The following CACNA1D variants were observed in gnomAD, a reference collection of about 807,000 sequenced individuals.
The protein encoded by CACNA1D is calcium voltage-gated channel subunit alpha1 D, also known as voltage-dependent L-type calcium channel subunit alpha-1D.
A neutral mutation model predicts 257.1 loss-of-function variants in CACNA1D; 55 were observed. The observed-to-expected ratio is 0.21, with a 90% confidence interval of 0.17 to 0.27. The LOEUF is 0.27. Among genes scored for constraint, CACNA1D ranks in the 10% least tolerant of loss-of-function variants. The pLI is 1.00. For synonymous variants in CACNA1D, 980 were observed against 1,014.9 expected (o/e 0.97, Z 0.65); for missense variants, 1,876 against 2,784.0 (o/e 0.67, Z 7.34).
intron 18 of CACNA1D, among the ~76,000 whole-genome samples, chr3:53,732,378 T>A (rs1460315468): frequency 1.3e-5 from 2 of 152,172 alleles, no homozygotes; most frequent in Non-Finnish European, 2.9e-5. Flanking sequence ...ACTTTTATAT[T>A]TGACTGGCAC....
chr3:53,510,239 C>T (rs1455945468), intron 3 of CACNA1D, among the ~76,000 whole-genome samples: 1 of 152,150 alleles, frequency 6.6e-6, no homozygotes, highest in African/African-American at 2.4e-5. Flanking sequence ...TTTTTCACAG[C>T]GTGTGTGTAC....
rs1004362019 is a variant in CACNA1D, at chr3:53,497,437, C to G, written c.353C>G (p.Ala118Gly). The change falls in exon 2 of 48, where the codon GCC becomes GGC. Residue 118 changes from alanine to glycine, a missense_variant. Coordinates refer to ENST00000350061, the MANE Select transcript of CACNA1D (RefSeq NM_001128840.3). ...TCACTCAATAACCCCATCCGAAGAGCCTGCATTAGTATAGTGGAATGGAAG... is the reference window on the plus strand; with the variant it reads ...TCACTCAATAACCCCATCCGAAGAGGCTGCATTAGTATAGTGGAATGGAAG... ...CLSLNNPIRR[A>G]CISIVEWKPF... 8 of 1,614,052 alleles carry G rather than the reference C, an allele frequency of 5.0e-6. No homozygotes were observed. The African/African-American group carries it at 6.7e-5, about 13-fold the overall frequency.
In CACNA1D at chr3:53,799,573, C is replaced by T. The variant is rs534584239; in HGVS notation, c.4924-676C>T. Among the ~76,000 whole-genome samples the T allele has an allele frequency of 1.1e-4, 16 of 152,296 alleles. No individual in the cohort carries two copies. The East Asian group carries it at 1.2e-3, about 11-fold the overall frequency. ...TCAGTTTGTTGTGATCTTCAAAAAG[C>T]GGACCCCCTGTTGGTGAGTTCTCAG... On this transcript the variant is annotated intron_variant, in intron 40 of 47. Transcript: ENST00000350061.
At chr3:53,655,217 T>C (rs2094136871) in intron 4 of CACNA1D, among the ~76,000 whole-genome samples, 1 of 152,222 alleles carries the variant, frequency 6.6e-6, no homozygotes, top group African/African-American at 2.4e-5. Context: ...CCAATCTGTA[T>C]TGATGGGCAT....
chr3:53,590,441 G>A (rs2093287006), intron 3 of CACNA1D, among the ~76,000 whole-genome samples: 1 of 152,246 alleles, frequency 6.6e-6, no homozygotes, highest in Admixed American at 6.5e-5. Flanking sequence ...GTTGTATAGG[G>A]CAGACCTAGT....
At chr3:53,625,499 A>G (rs765044267) in intron 3 of CACNA1D, among the ~76,000 whole-genome samples, 1 of 152,152 alleles carries the variant, frequency 6.6e-6, no homozygotes, top group Non-Finnish European at 1.5e-5. Context: ...TTTAGGACCC[A>G]AGCGGTGCTG....
intron 39 of CACNA1D, chr3:53,785,605 C>T (rs1296171992): frequency 6.6e-6 from 1 of 152,234 alleles, no homozygotes; most frequent in Non-Finnish European, 1.5e-5. Flanking sequence ...CCACCGTCAG[C>T]ACATTTTAAA....
At chr3:53,632,680 C>A (rs1199545578) in intron 3 of CACNA1D, among the ~76,000 whole-genome samples, 2 of 152,130 alleles carry the variant, frequency 1.3e-5, no homozygotes, top group Non-Finnish European at 2.9e-5. Context: ...TACTGAGAGG[C>A]TGTTGTAGGG....
intron 3 of CACNA1D, among the ~76,000 whole-genome samples, chr3:53,507,262 G>A (rs1429422474): frequency 6.6e-6 from 1 of 151,988 alleles, no homozygotes; most frequent in African/African-American, 2.4e-5. Context: ...TTTTGACAAA[G>A]GCTTTACTTG....
Position 53,722,324 on chromosome 3 carries a change from C to T in CACNA1D, c.1516C>T (p.Arg506Cys), listed in dbSNP as rs909946083. Residue 506 changes from arginine to cysteine, a missense_variant, in exon 12 of 48, where the codon CGT (arginine) becomes TGT (cysteine). By Grantham distance (180) the Arg-to-Cys change is radical. Coordinates refer to ENST00000350061, the MANE Select transcript of CACNA1D (RefSeq NM_001128840.3). ...TTGCTTGTCTTTTAGCCGACGCTGG[C>T]GTCGCTGGAACCGATTCAATCGCAG... ...ISKSKLSRRW[R>C]RWNRFNRRRC... 9 of 1,614,068 alleles carry T rather than the reference C, an allele frequency of 5.6e-6. No individual in the cohort carries two copies. The highest frequency in any genetic ancestry group is 2.2e-5 in the South Asian group (2 of 91,078).
intron 3 of CACNA1D, among the ~76,000 whole-genome samples, chr3:53,644,747 T>C (rs1231365802): frequency 6.6e-6 from 1 of 152,260 alleles, no homozygotes; most frequent in Non-Finnish European, 1.5e-5. Flanking sequence ...TAATTCCATG[T>C]CTTAGCTATT....
chr3:53,723,481 G>A lies in CACNA1D; in HGVS notation c.1714G>A (p.Val572Ile). 3 of 1,614,104 alleles carry A rather than the reference G, an allele frequency of 1.9e-6. No homozygotes were observed. The highest frequency in any genetic ancestry group is 2.5e-6 in the Non-Finnish European group (3 of 1,180,024). ...LLALFTCEMLVKMYSLGLQAY... is the reference protein window; with the variant it reads ...LLALFTCEMLIKMYSLGLQAY... ...GGCTCTGTTCACCTGCGAGATGCTG[G>A]TAAAAATGTACAGCTTGGGCCTCCA... Residue 572 changes from valine (V) to isoleucine (I), a missense_variant, in exon 13 of 48, where the codon GTA (valine) becomes ATA (isoleucine). Val to Ile is a conservative substitution (Grantham distance 29). This residue lies in a region of CACNA1D where 257 missense variants were observed against 399.7 expected (regional missense o/e 0.64). Transcript: ENST00000350061. This position sits in a 1 kb window ranked among gnomAD's most constrained non-coding sequence, Gnocchi z 5.6.
Position 53,744,741 on chromosome 3 carries a change from T to A in CACNA1D, c.2920T>A (p.Ser974Thr). 1 of 1,582,708 alleles carries A rather than the reference T, an allele frequency of 6.3e-7. No homozygotes were observed. The highest frequency in any genetic ancestry group is 8.7e-7 in the Non-Finnish European group (1 of 1,151,234). The change falls in exon 23 of 48, where the codon TCC becomes ACC. Residue 974 changes from serine to threonine, a missense_variant and splice_region_variant. Ser to Thr is a moderately conservative substitution (Grantham distance 58). Transcript: ENST00000350061. Reference protein sequence around the residue: ...GVSLVSFGIQSSAISVVKILR... With the variant: ...GVSLVSFGIQTSAISVVKILR... ...GCCGTCTTTCTGCTCCTTCCCTAGA[T>A]CCAGTGCCATCTCCGTTGTGAAGAT...
intron 3 of CACNA1D, among the ~76,000 whole-genome samples, chr3:53,516,631 C>T (rs927247329): frequency 2.6e-5 from 4 of 152,166 alleles, no homozygotes; most frequent in Admixed American, 1.3e-4. Flanking sequence ...TGTGAGGACT[C>T]GGGTTGGTGT....
chr3:53,712,900 G>T (rs1254299116), intron 9 of CACNA1D, among the ~76,000 whole-genome samples: 1 of 152,190 alleles, frequency 6.6e-6, no homozygotes, highest in Admixed American at 6.5e-5. Context: ...GAGGGCTCTG[G>T]GCTCAGTTTG....
At chr3:53,514,236 C>T (rs571803910) in intron 3 of CACNA1D, among the ~76,000 whole-genome samples, 114 of 152,170 alleles carry the variant, frequency 7.5e-4, no homozygotes, top group Non-Finnish European at 1.2e-3. Flanking sequence ...ACTTCTGACT[C>T]AAGCGCCCAC....
chr3:53,615,275 A>G (rs1383201303), intron 3 of CACNA1D, among the ~76,000 whole-genome samples: 1 of 152,172 alleles, frequency 6.6e-6, no homozygotes, highest in African/African-American at 2.4e-5. Context: ...GGTTGCTGTA[A>G]TTCTCTATTA....
At chr3:53,634,995 G>A (rs182689369) in intron 3 of CACNA1D, among the ~76,000 whole-genome samples, 1 of 152,306 alleles carries the variant, frequency 6.6e-6, no homozygotes, top group African/African-American at 2.4e-5. Context: ...GTCTCATTTA[G>A]TGGATGAGGA....
In CACNA1D at chr3:53,497,474, T is replaced by C; in HGVS notation, c.377+13T>C. The stretch of plus-strand genomic sequence containing the variant: ...TAGTGGAATGGAAGTATCCTTTTTT[T>C]GGGGGAAGTCTTTCTCATTTTCTCT... On this transcript the variant is annotated intron_variant, in intron 2 of 47. Transcript: ENST00000350061. The C allele has an allele frequency of 6.2e-7, 1 of 1,612,352 alleles. No individual in the cohort carries two copies. The highest frequency in any genetic ancestry group is 8.5e-7 in the Non-Finnish European group (1 of 1,178,518).
Sources: allele counts gnomAD v4.1 joint callset (sites outside exome capture counted in the v4.1 genomes callset), GRCh38; gene constraint gnomAD v4.1.1; regional missense constraint gnomAD v4.1.1; non-coding constraint Gnocchi (gnomAD v3.1); transcripts MANE v1.5; gene names NCBI Gene and HGNC (gene_info 2026-07-23, HGNC 2026-07-21).